SPECC1: variants seen among roughly 807,000 people sequenced by gnomAD.
The protein encoded by SPECC1 is cytospin-B.
In SPECC1, 62 loss-of-function variants were observed where a neutral mutation model predicts 104.1. That is an observed-to-expected ratio of 0.60 (90% CI 0.49 to 0.74). SPECC1 has a LOEUF of 0.74. Among genes scored for constraint, SPECC1 ranks in the 30% least tolerant of loss-of-function variants. The pLI is 0.00. For missense variants in SPECC1, 1,306 were observed against 1,310.5 expected (o/e 1.00, Z 0.05); for synonymous variants, 513 against 501.6 (o/e 1.02, Z -0.30).
chr17:20,305,967 GC>G (rs1034451994), intron 13 of SPECC1, 55 bp from the exon 14 acceptor site: 1 of 1,505,338 alleles, frequency 6.6e-7, no homozygotes, highest in African/African-American at 1.4e-5. Context: ...TTCTTTCCTG[GC>G]AAAAGCTATA....
intron 1 of SPECC1, among the ~76,000 whole-genome samples, chr17:20,025,200 C>A (rs1325814942): frequency 1.3e-5 from 2 of 152,258 alleles, no homozygotes; most frequent in East Asian, 3.9e-4. Flanking sequence ...ACCTGCCAGC[C>A]AAGGAGAGAG....
chr17:20,214,774 C>T (rs2037380097), intron 4 of SPECC1, among the ~76,000 whole-genome samples: 1 of 152,194 alleles, frequency 6.6e-6, no homozygotes, highest in African/African-American at 2.4e-5. Flanking sequence ...TCCCAAAGTG[C>T]TGGGATTACA....
chr17:20,274,587 T>G (rs551696166), intron 12 of SPECC1, among the ~76,000 whole-genome samples: 17 of 150,880 alleles, frequency 1.1e-4, no homozygotes, highest in African/African-American at 3.9e-4. Context: ...TTCAAGTGAT[T>G]CTCCTGCCTC....
intron 3 of SPECC1, chr17:20,112,341 T>C (rs565716375): frequency 1.3e-6 from 1 of 756,270 alleles, no homozygotes; most frequent in Admixed American, 1.7e-5. Context: ...AGAAGCAAGA[T>C]TTTTTGTATT....
rs140761437 is a variant in SPECC1, at chr17:20,095,516, G to A, written c.-21-1115G>A. 6.4e-3 allele frequency among the ~76,000 whole-genome samples: 972 copies of A among 152,284 alleles called. 11 individuals carry two copies. Among genetic ancestry groups the A allele is most frequent in the African/African-American group, 0.022 (926 of 41,556 alleles). On this transcript the variant is annotated intron_variant, in intron 1 of 14. Coordinates refer to ENST00000395527, the MANE Select transcript of SPECC1 (RefSeq NM_001243439.2). ...ATAGGGTCGGGAACTAGATGGTCGGGAACTAGAGAGACATTGTCAGGAGAA... is the reference window on the plus strand; with the variant it reads ...ATAGGGTCGGGAACTAGATGGTCGGAAACTAGAGAGACATTGTCAGGAGAA...
At chr17:20,066,102 G>A (rs958602220) in intron 1 of SPECC1, among the ~76,000 whole-genome samples, 3 of 152,122 alleles carry the variant, frequency 2.0e-5, no homozygotes, top group African/African-American at 4.8e-5. Context: ...AACTGGATCT[G>A]TTGCTGGCTA....
At chr17:20,059,304 G>C (rs1432636105) in intron 1 of SPECC1, among the ~76,000 whole-genome samples, 1 of 152,042 alleles carries the variant, frequency 6.6e-6, no homozygotes, top group Non-Finnish European at 1.5e-5. Context: ...CGGCATTAGA[G>C]TCTCATAAAG....
chr17:20,223,853 T>G (rs1416946692), intron 4 of SPECC1, among the ~76,000 whole-genome samples: 2 of 152,186 alleles, frequency 1.3e-5, no homozygotes, highest in African/African-American at 2.4e-5. Flanking sequence ...TTTACTTCAT[T>G]TGATGAGGTC....
At chr17:20,143,485 A>C (rs541698090) in intron 3 of SPECC1, among the ~76,000 whole-genome samples, 5 of 152,028 alleles carry the variant, frequency 3.3e-5, no homozygotes, top group African/African-American at 1.2e-4. Context: ...GGGGTTTGAA[A>C]CCAGCCTGGC....
chr17:20,098,353 A>G (rs2047753055), intron 2 of SPECC1, among the ~76,000 whole-genome samples: 1 of 151,806 alleles, frequency 6.6e-6, no homozygotes, highest in African/African-American at 2.4e-5. Context: ...ATATGTGTCA[A>G]CTCCAACCAA....
intron 1 of SPECC1, among the ~76,000 whole-genome samples, chr17:20,083,444 A>G (rs948281839): frequency 2.6e-5 from 4 of 152,216 alleles, no homozygotes; most frequent in Admixed American, 6.5e-5. Flanking sequence ...CTGACATTTG[A>G]TCTGGGACTT....
chr17:20,172,312 A>G (rs1049542685), intron 3 of SPECC1, among the ~76,000 whole-genome samples: 1 of 152,228 alleles, frequency 6.6e-6, no homozygotes, highest in African/African-American at 2.4e-5. Flanking sequence ...CCCAGTTTGC[A>G]CAGGATACTT....
chr17:20,264,389 C>G (rs942521978), intron 12 of SPECC1, among the ~76,000 whole-genome samples: 7 of 151,048 alleles, frequency 4.6e-5, no homozygotes, highest in African/African-American at 1.5e-4. Flanking sequence ...GGCCTTCTTC[C>G]CTTCCTCCCT....
At chr17:20,210,470 G>C (rs190662731) in intron 4 of SPECC1, among the ~76,000 whole-genome samples, 317 of 152,326 alleles carry the variant, frequency 2.1e-3, no homozygotes, top group Middle Eastern at 3.4e-3. Flanking sequence ...CTTGGGGCAG[G>C]CATGTCACCT....
chr17:20,149,233 G>A lies in SPECC1; in HGVS notation c.283+38671G>A, dbSNP rs375284718. ...AGTTGTTAAGAACACAAACTCTGGAGTTAAATGGCATGGTTTCTCTGCAGA... is the reference window on the plus strand; with the variant it reads ...AGTTGTTAAGAACACAAACTCTGGAATTAAATGGCATGGTTTCTCTGCAGA... On this transcript the variant is annotated intron_variant, in intron 3 of 14. Coordinates refer to ENST00000395527, the MANE Select transcript of SPECC1 (RefSeq NM_001243439.2). Among the ~76,000 whole-genome samples, 56 of 152,324 alleles carry A rather than the reference G, an allele frequency of 3.7e-4. No homozygotes were observed. The South Asian group carries it at 0.011, about 30-fold the overall frequency.
chr17:20,245,949 C>T lies in SPECC1; in HGVS notation c.2375C>T (p.Ser792Phe). The T allele has an allele frequency of 1.2e-6, 2 of 1,614,192 alleles. No homozygotes were observed. Among genetic ancestry groups the T allele is most frequent in the Non-Finnish European group, 8.5e-7 (1 of 1,180,026 alleles). Reference sequence around the variant, plus strand: ...AGACCTGTGGATGAAGAGCCAGAGTCCTCTGAGGTCGATGCTGCTGGTCGG... The same window carrying T: ...AGACCTGTGGATGAAGAGCCAGAGTTCTCTGAGGTCGATGCTGCTGGTCGG... ...APPPVDEEPESSEVDAAGRWP... is the reference protein window; with the variant it reads ...APPPVDEEPEFSEVDAAGRWP... Residue 792 changes from serine (S) to phenylalanine (F), a missense_variant, in exon 8 of 15, where the codon TCC becomes TTC. Physicochemically the swap from Ser to Phe is radical, Grantham distance 155. This residue lies in a region of SPECC1 where 1,177 missense variants were observed against 1,139.9 expected (regional missense o/e 1.03). Coordinates refer to ENST00000395527, the MANE Select transcript of SPECC1 (RefSeq NM_001243439.2).
chr17:20,174,399 G>C (rs1489092710), intron 3 of SPECC1, among the ~76,000 whole-genome samples: 1 of 152,176 alleles, frequency 6.6e-6, no homozygotes, highest in African/African-American at 2.4e-5. Flanking sequence ...TCCCAGGGAA[G>C]CAGGACTCAA....
At chr17:20,255,084 T>G (rs577061609) in intron 10 of SPECC1, among the ~76,000 whole-genome samples, 65 of 152,314 alleles carry the variant, frequency 4.3e-4, no homozygotes, top group African/African-American at 1.4e-3. Context: ...ACCATGTGCC[T>G]CTTGGTGCTG....
intron 12 of SPECC1, among the ~76,000 whole-genome samples, chr17:20,276,059 T>C (rs1383768164): frequency 6.6e-6 from 1 of 152,196 alleles, no homozygotes; most frequent in East Asian, 1.9e-4. Context: ...TTTCTGTGCA[T>C]TTTATGTTTT....
Sources: gnomAD v4.1 joint callset for allele counts (sites outside exome capture counted in the v4.1 genomes callset) on GRCh38, gnomAD v4.1.1 for gene constraint, gnomAD v4.1.1 regional missense constraint, MANE v1.5 for transcripts, NCBI Gene and HGNC (gene_info 2026-07-23, HGNC 2026-07-21) for gene names.